Variants in AFF2 observed in about 807,000 individuals in gnomAD.
The protein encoded by AFF2 is AF4/FMR2 family member 2.
In AFF2, 14 loss-of-function variants were observed where a neutral mutation model predicts 76.9. That is an observed-to-expected ratio of 0.18 (90% CI 0.12 to 0.28). AFF2 has a LOEUF of 0.28. Among genes scored for constraint, AFF2 ranks in the 10% least tolerant of loss-of-function variants. AFF2 has a pLI of 1.00. For missense variants in AFF2, 868 were observed against 1,001.1 expected (o/e 0.87, Z 1.79); for synonymous variants, 398 against 366.7 (o/e 1.09, Z -0.98).
At chrX:148,706,243 G>A (rs781864819) in intron 3 of AFF2, among the ~76,000 whole-genome samples, 4 of 111,991 alleles carry the variant, frequency 3.6e-5, no homozygotes, top group African/African-American at 1.3e-4. Flanking sequence ...TCTAGCTACA[G>A]TTCTTCCTGG....
chrX:148,662,251 G>C lies in AFF2; in HGVS notation c.524G>C (p.Ser175Thr), dbSNP rs782149217. Residue 175 changes from serine to threonine, a missense_variant, in exon 3 of 21, where the codon AGT becomes ACT. Coordinates refer to ENST00000370460, the MANE Select transcript of AFF2 (RefSeq NM_002025.4). ...NPSTVLASQA[S>T]GQPNKMQTLT... Reference sequence around the variant, plus strand: ...AGCACTGTACTGGCAAGCCAGGCCAGTGGTCAGCCAAACAAGATGCAGACT... The same window carrying C: ...AGCACTGTACTGGCAAGCCAGGCCACTGGTCAGCCAAACAAGATGCAGACT... The C allele has an allele frequency of 3.3e-6, 4 of 1,209,910 alleles. No homozygotes were observed. Among genetic ancestry groups the C allele is most frequent in the South Asian group, 3.5e-5 (2 of 56,788 alleles).
chrX:148,612,473 C>T (rs1448154209), intron 1 of AFF2, among the ~76,000 whole-genome samples: 1 of 112,254 alleles, frequency 8.9e-6, no homozygotes, highest in Admixed American at 9.4e-5. Flanking sequence ...GCTGTTGCTG[C>T]TGCCAAACTA....
In AFF2 at chrX:148,992,278, G is replaced by A. The variant is rs1557292424; in HGVS notation, c.*946G>A. On this transcript the variant is annotated 3_prime_UTR_variant, in exon 21 of 21. Transcript: ENST00000370460. ...ACAACAACATTTACACAGTTGGTAAGTGGGTCCATAACTGGCAGGATTTTT... is the reference window on the plus strand; with the variant it reads ...ACAACAACATTTACACAGTTGGTAAATGGGTCCATAACTGGCAGGATTTTT... The A allele has an allele frequency of 8.9e-6, 1 of 112,105 alleles. No individual in the cohort carries two copies. The highest frequency in any genetic ancestry group is 1.9e-5 in the Non-Finnish European group (1 of 53,258). The allele number at this position is 112,105 out of a possible 1,213,427, so 9.2% of individuals were successfully genotyped here.
chrX:148,776,374 C>G (rs1182143078), intron 3 of AFF2, among the ~76,000 whole-genome samples: 4 of 111,947 alleles, frequency 3.6e-5, no homozygotes, highest in African/African-American at 1.3e-4. Flanking sequence ...GGTATATACC[C>G]AGTAATGGGA....
intron 3 of AFF2, among the ~76,000 whole-genome samples, chrX:148,663,564 G>A (rs1286282839): frequency 8.9e-6 from 1 of 112,446 alleles, no homozygotes. Context: ...TGGCCCCTGG[G>A]TGGGGGTCAT....
intron 1 of AFF2, among the ~76,000 whole-genome samples, chrX:148,617,236 TTG>T (rs1557250588): frequency 5.4e-5 from 6 of 111,743 alleles, no homozygotes. Flanking sequence ...CCAGCACCTG[TTG>T]TTTCCTGACT....
intron 7 of AFF2, among the ~76,000 whole-genome samples, chrX:148,870,671 A>C (rs144485231): frequency 8.9e-6 from 1 of 112,540 alleles, no homozygotes; most frequent in East Asian, 2.8e-4. Context: ...GAAGGCTCCT[A>C]TTAACAACAG....
intron 3 of AFF2, among the ~76,000 whole-genome samples, chrX:148,769,275 GA>G (rs1348496437): frequency 8.9e-6 from 1 of 111,882 alleles, no homozygotes; most frequent in Non-Finnish European, 1.9e-5. Context: ...CCTTCCTTCT[GA>G]AGAGGTTCCA....
At chrX:148,539,988 C>T (rs1052671107) in intron 1 of AFF2, among the ~76,000 whole-genome samples, 3 of 111,421 alleles carry the variant, frequency 2.7e-5, no homozygotes, top group South Asian at 3.8e-4. Context: ...TAGAAAGACA[C>T]GATTTAAGTT....
chrX:148,693,978 A>G (rs1215551389), intron 3 of AFF2, among the ~76,000 whole-genome samples: 1 of 111,555 alleles, frequency 9.0e-6, no homozygotes, highest in Non-Finnish European at 1.9e-5. Flanking sequence ...ACCATGGAAT[A>G]CTATGCAGCC....
intron 9 of AFF2, among the ~76,000 whole-genome samples, chrX:148,920,440 G>A (rs1397888145): frequency 8.9e-6 from 1 of 111,776 alleles, no homozygotes; most frequent in Non-Finnish European, 1.9e-5. Flanking sequence ...ATTCTATAAA[G>A]CAAGGTAAAG....
At chrX:148,979,192 C>G (rs1177268718) in intron 18 of AFF2, among the ~76,000 whole-genome samples, 1 of 111,434 alleles carries the variant, frequency 9.0e-6, no homozygotes, top group Non-Finnish European at 1.9e-5. Context: ...GATTTTTTTT[C>G]TTTCTTGCCA....
chrX:148,612,541 A>T (rs1332275281), intron 1 of AFF2, among the ~76,000 whole-genome samples: 1 of 112,155 alleles, frequency 8.9e-6, no homozygotes, highest in Non-Finnish European at 1.9e-5. Flanking sequence ...GACACTGCAT[A>T]TGTGGGAAAA....
chrX:148,981,555 C>A (rs1316029839), intron 19 of AFF2, among the ~76,000 whole-genome samples: 5 of 111,356 alleles, frequency 4.5e-5, no homozygotes, highest in Non-Finnish European at 7.5e-5. Flanking sequence ...GAGTTCGAAT[C>A]CCAGTTCTGT....
At chrX:148,548,041 T>C (rs2052945091) in intron 1 of AFF2, among the ~76,000 whole-genome samples, 1 of 112,530 alleles carries the variant, frequency 8.9e-6, no homozygotes, top group African/African-American at 3.2e-5. Flanking sequence ...AAGCAGGACA[T>C]TGCAGTATTG....
At chrX:148,958,307 A>T (rs1557287588) in intron 11 of AFF2, 30 bp from the exon 12 acceptor site, 1 of 1,207,103 alleles carries the variant, frequency 8.3e-7, no homozygotes, top group African/African-American at 1.8e-5. Context: ...CATGCATTTC[A>T]AGCTCTGTGT....
chrX:148,579,349 G>T (rs980482232), intron 1 of AFF2, among the ~76,000 whole-genome samples: 2 of 111,591 alleles, frequency 1.8e-5, no homozygotes, highest in African/African-American at 3.3e-5. Flanking sequence ...CATTGGAGTA[G>T]TGCACACATC....
intron 1 of AFF2, among the ~76,000 whole-genome samples, 196 bp downstream of exon 1, chrX:148,501,340 G>A (rs782219269): frequency 3.5e-4 from 39 of 112,602 alleles, no homozygotes; most frequent in African/African-American, 1.2e-3. Context: ...TGCGGGAAGA[G>A]GGAGGGATGC....
chrX:148,914,134 G>A (rs1316474957), intron 9 of AFF2, among the ~76,000 whole-genome samples: 1 of 111,823 alleles, frequency 8.9e-6, no homozygotes, highest in African/African-American at 3.3e-5. Flanking sequence ...GGGAGTGACT[G>A]CTGAGAGTGA....
Sources: allele counts gnomAD v4.1 joint callset (sites outside exome capture counted in the v4.1 genomes callset), GRCh38; gene constraint gnomAD v4.1.1; transcripts MANE v1.5; gene names NCBI Gene and HGNC (gene_info 2026-07-23, HGNC 2026-07-21).